UIMC1: variants seen among roughly 807,000 people sequenced by gnomAD.
UIMC1 encodes BRCA1-A complex subunit RAP80.
In UIMC1, 42 loss-of-function variants were observed where a neutral mutation model predicts 84.9. That is an observed-to-expected ratio of 0.49 (90% CI 0.39 to 0.64). The LOEUF (loss-of-function observed/expected upper bound fraction) is 0.64. UIMC1 is among the 30% of genes least tolerant of loss of function. The pLI, the probability that UIMC1 is intolerant of heterozygous loss-of-function variation, is 0.00. For missense variants in UIMC1, 825 were observed against 847.6 expected, an observed-to-expected ratio of 0.97 and a Z score of 0.33; for synonymous variants, 281 against 293.0, an observed-to-expected ratio of 0.96 and a Z score of 0.42.
chr5:176,966,131 A>C (rs1768257685), intron 6 of UIMC1, among the ~76,000 whole-genome samples: 1 of 152,266 alleles, frequency 6.6e-6, no homozygotes, highest in African/African-American at 2.4e-5. Flanking sequence ...CCAGAATGTG[A>C]ATGAAGATGG....
At chr5:177,014,646 T>G (rs934253772) in intron 1 of UIMC1, among the ~76,000 whole-genome samples, 1 of 151,746 alleles carries the variant, frequency 6.6e-6, no homozygotes, top group African/African-American at 2.4e-5. Context: ...TGCAGTGAGG[T>G]GAAATCACAG....
chr5:177,000,973 T>G (rs898644581), intron 1 of UIMC1, among the ~76,000 whole-genome samples: 1 of 152,156 alleles, frequency 6.6e-6, no homozygotes, highest in Non-Finnish European at 1.5e-5. Flanking sequence ...TCTCTTCACT[T>G]TATTGTTTCC....
At chr5:176,939,256 C>CAAAAA in intron 10 of UIMC1, among the ~76,000 whole-genome samples, 1 of 71,906 alleles carries the variant, frequency 1.4e-5, no homozygotes, top group South Asian at 5.4e-4. Context: ...GATCCTGTCT[C>CAAAAA]AAAAAAAAAA....
At chr5:177,000,029 G>A (rs974093963) in intron 1 of UIMC1, among the ~76,000 whole-genome samples, 4 of 152,150 alleles carry the variant, frequency 2.6e-5, no homozygotes, top group Non-Finnish European at 5.9e-5. Context: ...TGCCATCTCA[G>A]CTCACTGCAA....
intron 10 of UIMC1, among the ~76,000 whole-genome samples, chr5:176,924,487 A>T (rs1762136745): frequency 6.6e-6 from 1 of 152,190 alleles, no homozygotes; most frequent in African/African-American, 2.4e-5. Context: ...AAGAGAAGCC[A>T]GACATAAACT....
rs1254541784 is a variant in UIMC1, at chr5:176,931,928, G to A, written c.1597+11407C>T. Among the ~76,000 whole-genome samples the A allele has an allele frequency of 3.3e-5, 5 of 152,142 alleles. No homozygotes were observed. In the South Asian group the frequency reaches 6.2e-4, roughly 19 times the overall value. Reference sequence around the variant, plus strand: ...GCAGAGGTTGCAGTGAGCCGAGATCGCACCAATGCACTCCAGCCTGGGCGA... The same window carrying A: ...GCAGAGGTTGCAGTGAGCCGAGATCACACCAATGCACTCCAGCCTGGGCGA... On this transcript the variant is annotated intron_variant, in intron 10 of 14. Transcript: ENST00000511320.
intron 10 of UIMC1, among the ~76,000 whole-genome samples, chr5:176,939,952 C>T (rs1006760173): frequency 7.9e-5 from 12 of 152,098 alleles, no homozygotes; most frequent in African/African-American, 2.4e-4. Context: ...TGAAAGTCTG[C>T]GATATCCAGA....
chr5:176,925,023 T>C (rs796900963), intron 10 of UIMC1, among the ~76,000 whole-genome samples: 4 of 137,106 alleles, frequency 2.9e-5, no homozygotes, highest in African/African-American at 1.1e-4. Context: ...AGAGCAAGAC[T>C]CTGCCTCAAA....
At position 176,922,781 on chromosome 5, in the gene UIMC1, T is replaced by G. The variant is rs73341847; in HGVS notation, c.1598-11392A>C. On this transcript the variant is annotated intron_variant, in intron 10 of 14. Coordinates refer to ENST00000511320, the MANE Select transcript of UIMC1 (RefSeq NM_001199298.2). ...TAAGTTCTACGTATATATTATCAAATTGCTTAAACAAAAATTTCAGCTGTT... is the reference window on the plus strand; with the variant it reads ...TAAGTTCTACGTATATATTATCAAAGTGCTTAAACAAAAATTTCAGCTGTT... Among the ~76,000 whole-genome samples, 1,422 of 152,338 alleles carry G rather than the reference T, an allele frequency of 9.3e-3. 24 individuals carry two copies. The highest frequency in any genetic ancestry group is 0.032 in the African/African-American group (1,332 of 41,570).
At chr5:176,932,138 A>G (rs919872546) in intron 10 of UIMC1, among the ~76,000 whole-genome samples, 8 of 152,216 alleles carry the variant, frequency 5.3e-5, no homozygotes, top group Non-Finnish European at 7.3e-5. Context: ...AAGAGTATGT[A>G]CGTCAGTACT....
chr5:176,959,701 G>A (rs1164374734), intron 6 of UIMC1, among the ~76,000 whole-genome samples: 1 of 131,982 alleles, frequency 7.6e-6, no homozygotes, highest in Non-Finnish European at 1.6e-5. Flanking sequence ...GGGCGACAGA[G>A]CGAGACTCCG....
intron 10 of UIMC1, among the ~76,000 whole-genome samples, chr5:176,934,474 G>T (rs1763487316): frequency 6.6e-6 from 1 of 152,156 alleles, no homozygotes; most frequent in Non-Finnish European, 1.5e-5. Flanking sequence ...TTGAAACCGT[G>T]AATCAAGCCA....
At chr5:176,928,686 C>T (rs951795848) in intron 10 of UIMC1, among the ~76,000 whole-genome samples, 18 of 152,104 alleles carry the variant, frequency 1.2e-4, no homozygotes, top group Non-Finnish European at 2.6e-4. Context: ...GCGCAGTGGC[C>T]CACGCCTGTA....
At chr5:176,977,877 C>T (rs1264319791) in intron 2 of UIMC1, among the ~76,000 whole-genome samples, 2 of 151,860 alleles carry the variant, frequency 1.3e-5, no homozygotes, top group Non-Finnish European at 2.9e-5. Flanking sequence ...TGCCATTGCA[C>T]TCCAGCTTGG....
In UIMC1 at chr5:176,908,615, C is replaced by A. The variant is rs144604125; in HGVS notation, c.1756G>T (p.Ala586Ser). 1.2e-3 allele frequency: 1,907 copies of A among 1,614,186 alleles called. 2 individuals are homozygous for A. The highest frequency in any genetic ancestry group is 1.5e-3 in the Non-Finnish European group (1,800 of 1,179,996). ...GGTCCATCTCCTTGGTCAGCCTTTG[C>A]AAGCTGGAGACAGGAGTCCACATGA... is the stretch of plus-strand genomic sequence containing the variant. ...QCHVDSCLQL[A>S]KADQGDGPEG... The change falls in exon 12 of 15, where the codon GCA (alanine) becomes TCA (serine). Residue 586 changes from alanine (A) to serine (S), a missense_variant. Ala to Ser is a moderately conservative substitution (Grantham distance 99). Coordinates refer to ENST00000511320, the MANE Select transcript of UIMC1 (RefSeq NM_001199298.2).
At chr5:176,933,527 ATT>A (rs11333768) in intron 10 of UIMC1, among the ~76,000 whole-genome samples, 13 of 147,840 alleles carry the variant, frequency 8.8e-5, no homozygotes, top group African/African-American at 1.5e-4. Context: ...GCTAGTTTAG[ATT>A]TTTTTTTTTT....
intron 9 of UIMC1, 53 bp from the exon 10 acceptor site, chr5:176,943,541 T>C: frequency 6.3e-7 from 1 of 1,583,966 alleles, no homozygotes; most frequent in Non-Finnish European, 8.6e-7. Flanking sequence ...TATCATTCCC[T>C]ACAACGAACT....
chr5:176,941,497 A>G (rs190307131), intron 10 of UIMC1, among the ~76,000 whole-genome samples: 24 of 152,362 alleles, frequency 1.6e-4, no homozygotes, highest in Admixed American at 1.4e-3. Context: ...GTGTTTATGT[A>G]CTTCCTTATT....
chr5:176,940,769 G>A (rs2149439023), intron 10 of UIMC1, among the ~76,000 whole-genome samples: 1 of 152,280 alleles, frequency 6.6e-6, no homozygotes, highest in Non-Finnish European at 1.5e-5. Context: ...TTTCACTACT[G>A]GGAATGGTAA....
Sources: gnomAD v4.1 joint callset for allele counts (sites outside exome capture counted in the v4.1 genomes callset) on GRCh38, gnomAD v4.1.1 for gene constraint, MANE v1.5 for transcripts, NCBI Gene and HGNC (gene_info 2026-07-23, HGNC 2026-07-21) for gene names.